CFB: variants seen among roughly 807,000 people sequenced by gnomAD.
The protein encoded by CFB is complement factor B.
Under a neutral mutation model 97.2 loss-of-function variants are expected in CFB, and 59 were observed. That is an observed-to-expected ratio of 0.61 (90% CI 0.49 to 0.75). The LOEUF (loss-of-function observed/expected upper bound fraction) is 0.75, where lower values mean the gene tolerates loss of function less well. CFB is among the 30% of genes least tolerant of loss of function. The pLI is 0.00. For synonymous variants in CFB, 316 were observed against 351.7 expected, an observed-to-expected ratio of 0.90 and a Z score of 1.14; for missense variants, 771 against 959.8, an observed-to-expected ratio of 0.80 and a Z score of 2.60.
In CFB at chr6:31,948,523, A is replaced by G; in HGVS notation, c.1036+11A>G. 6.2e-7 allele frequency: 1 copy of G among 1,614,072 alleles called. No individual in the cohort carries two copies. Among genetic ancestry groups the G allele is most frequent in the East Asian group, 2.2e-5 (1 of 44,876 alleles). Reference sequence around the variant, plus strand: ...AAATCAATTATGAAGGTCAGAGGTTAGGGAATGGTGGGAGGTTCACTTTGG... The same window carrying G: ...AAATCAATTATGAAGGTCAGAGGTTGGGGAATGGTGGGAGGTTCACTTTGG... On this transcript the variant is annotated intron_variant, in intron 7 of 17. Transcript: ENST00000425368.
intron 12 of CFB, 30 bp from the exon 13 acceptor site, chr6:31,950,589 A>G: frequency 6.2e-7 from 1 of 1,612,400 alleles, no homozygotes; most frequent in South Asian, 1.1e-5. Flanking sequence ...AGCTGCCCAC[A>G]AAGAGGTGGT....
rs1245421174 is a variant in CFB at position 31,951,772 on chromosome 6, T to C, written c.2140-103T>C. 6.3e-6 allele frequency: 10 copies of C among 1,592,980 alleles called. No individual in the cohort carries two copies. The South Asian group carries it at 9.9e-5, about 16-fold the overall frequency. On this transcript the variant is annotated intron_variant, in intron 17 of 17. Coordinates refer to ENST00000425368, the MANE Select transcript of CFB (RefSeq NM_001710.6). The surrounding 1 kb of genome is among the most constrained non-coding windows in gnomAD (Gnocchi z 4.3). ...CAAGAACGAGGCTGAGCTGGGTCCC[T>C]AGTCTGATTCCTTTAGGTCAGCTAA... is the stretch of plus-strand genomic sequence containing the variant.
Position 31,949,439 on chromosome 6 carries a change from C to T in CFB, c.1290C>T (p.Val430=), listed in dbSNP as rs201619743. 1.9e-5 allele frequency: 30 copies of T among 1,614,032 alleles called. No homozygotes were observed. In the East Asian group the frequency reaches 2.2e-4, roughly 12 times the overall value. The change falls in exon 10 of 18, where the codon GTC becomes GTT. Residue 430 remains valine, a synonymous_variant. Transcript: ENST00000425368. ...CCTCAGATGTCTATGTGTTTGGGGT[C>T]GGGCCTTTGGTGAACCAAGTGAACA... ...EDYLDVYVFG[V]GPLVNQVNIN... is the part of the protein sequence containing the mutation.
In CFB at chr6:31,951,429, G is replaced by A. The variant is rs916556250; in HGVS notation, c.2045G>A (p.Cys682Tyr). Residue 682 changes from cysteine (C) to tyrosine (Y), a missense_variant, in exon 16 of 18, where the codon TGT becomes TAT. Transcript: ENST00000425368. The surrounding 1 kb of genome is among the most constrained non-coding windows in gnomAD (Gnocchi z 4.3). Reference protein sequence around the residue: ...ISEVVTPRFLCTGGVSPYADP... With the variant: ...ISEVVTPRFLYTGGVSPYADP... The stretch of plus-strand genomic sequence containing the variant: ...GAGGTGGTCACCCCTCGGTTCCTTT[G>A]TACTGGAGGAGTGAGTCCCTATGCT... 2.5e-6 allele frequency: 4 copies of A among 1,614,084 alleles called. No homozygotes were observed. Among genetic ancestry groups the A allele is most frequent in the Non-Finnish European group, 3.4e-6 (4 of 1,180,042 alleles).
chr6:31,947,862 G>A lies in CFB; in HGVS notation c.760+19G>A. On this transcript the variant is annotated intron_variant, in intron 5 of 17. Coordinates refer to ENST00000425368, the MANE Select transcript of CFB (RefSeq NM_001710.6). The surrounding 1 kb of genome is among the most constrained non-coding windows in gnomAD (Gnocchi z 5.3). Reference sequence around the variant, plus strand: ...GGCCCAGGTTTGAAGACAGAGAAGGGAGGCAGGGCAGGGAACTGGGGGAAA... The same window carrying A: ...GGCCCAGGTTTGAAGACAGAGAAGGAAGGCAGGGCAGGGAACTGGGGGAAA... The A allele has an allele frequency of 6.2e-7, 1 of 1,614,080 alleles. No individual in the cohort carries two copies. The highest frequency in any genetic ancestry group is 1.1e-5 in the South Asian group (1 of 91,088).
In CFB at chr6:31,951,247, G is replaced by A. The variant is rs879129345; in HGVS notation, c.1956+3G>A. On this transcript the variant is annotated splice_donor_region_variant and intron_variant, in intron 15 of 17. Transcript: ENST00000425368. The surrounding 1 kb of genome is among the most constrained non-coding windows in gnomAD (Gnocchi z 4.3). Reference sequence around the variant, plus strand: ...TCTACATCAAGAATGGGGATAAGGTGAGAAACGGGCATCCTAAGGAGGCAC... The same window carrying A: ...TCTACATCAAGAATGGGGATAAGGTAAGAAACGGGCATCCTAAGGAGGCAC... 1.2e-6 allele frequency: 2 copies of A among 1,613,258 alleles called. No individual in the cohort carries two copies. The highest frequency in any genetic ancestry group is 1.7e-6 in the Non-Finnish European group (2 of 1,179,998).
At position 31,951,588 on chromosome 6, in the gene CFB, G is replaced by T; in HGVS notation, c.2123G>T (p.Arg708Ile). The change falls in exon 17 of 18, where the codon AGA becomes ATA. Residue 708 changes from arginine to isoleucine, a missense_variant. Coordinates refer to ENST00000425368, the MANE Select transcript of CFB (RefSeq NM_001710.6). The surrounding 1 kb of genome is among the most constrained non-coding windows in gnomAD (Gnocchi z 4.3). ...GGCGGCCCCTTGATAGTTCACAAGA[G>T]AAGTCGTTTCATTCAAGTGAGTCCT... Reference protein sequence around the residue: ...DSGGPLIVHKRSRFIQVGVIS... With the variant: ...DSGGPLIVHKISRFIQVGVIS... 1 of 1,614,200 alleles carries T rather than the reference G, an allele frequency of 6.2e-7. No individual in the cohort carries two copies. The highest frequency in any genetic ancestry group is 8.5e-7 in the Non-Finnish European group (1 of 1,180,038).
In CFB at chr6:31,949,327, C is replaced by G. The variant is rs752796520; in HGVS notation, c.1253C>G (p.Pro418Arg). ...LLYIGKDRKN[P>R]REDYLDVYVF... Reference sequence around the variant, plus strand: ...TACATTGGCAAGGATCGCAAAAACCCAAGGGAGGATTATCTGGGTGAGTAA... The same window carrying G: ...TACATTGGCAAGGATCGCAAAAACCGAAGGGAGGATTATCTGGGTGAGTAA... Residue 418 changes from proline to arginine, a missense_variant, in exon 9 of 18, where the codon CCA becomes CGA. Transcript: ENST00000425368. 2.5e-6 allele frequency: 4 copies of G among 1,614,066 alleles called. No homozygotes were observed. The East Asian group carries it at 6.7e-5, about 27-fold the overall frequency.
Position 31,947,295 on chromosome 6 carries a change from G to C in CFB, c.485-53G>C. ...CACTGTAACTCTTGCTCTCTACCTTGCTCACGGGGCCTCAGGCTTCAGTGC... is the reference window on the plus strand; with the variant it reads ...CACTGTAACTCTTGCTCTCTACCTTCCTCACGGGGCCTCAGGCTTCAGTGC... On this transcript the variant is annotated intron_variant, in intron 3 of 17. Transcript: ENST00000425368. This position sits in a 1 kb window ranked among gnomAD's most constrained non-coding sequence, Gnocchi z 5.3. The C allele has an allele frequency of 1.2e-6, 2 of 1,612,024 alleles. No individual in the cohort carries two copies. The highest frequency in any genetic ancestry group is 1.7e-6 in the Non-Finnish European group (2 of 1,179,818).
In CFB at chr6:31,947,143, C is replaced by A; in HGVS notation, c.435C>A (p.Cys145Ter). The A allele has an allele frequency of 1.9e-6, 3 of 1,613,010 alleles. No homozygotes were observed. Among genetic ancestry groups the A allele is most frequent in the Non-Finnish European group, 1.7e-6 (2 of 1,180,034 alleles). Reference protein sequence around the residue: ...YTLRGSANRTCQVNGRWSGQT... With the variant: ...YTLRGSANRT ...TCCGGGGCTCTGCCAATCGCACCTG[C>A]CAAGTGAATGGCCGATGGAGTGGGC... The change falls in exon 3 of 18, where the codon TGC (cysteine) becomes TGA (stop). Residue 145 changes from cysteine (C) to a stop codon, truncating the protein, a stop_gained. Coordinates refer to ENST00000425368, the MANE Select transcript of CFB (RefSeq NM_001710.6). LOFTEE classifies it high-confidence loss of function. The surrounding 1 kb of genome is among the most constrained non-coding windows in gnomAD (Gnocchi z 5.3).
At position 31,949,228 on chromosome 6, in the gene CFB, CTG is replaced by C; in HGVS notation, c.1169-13_1169-12del. 3 of 1,613,306 alleles carry C rather than the reference CTG, an allele frequency of 1.9e-6. No individual in the cohort carries two copies. Among genetic ancestry groups the C allele is most frequent in the Non-Finnish European group, 2.5e-6 (3 of 1,179,338 alleles). ...TTCCTTATCTCCTACCCTCATGGTC[CTG>C]TCTCTTCTGCAGGATTGCACAACAT... On this transcript the variant is annotated splice_polypyrimidine_tract_variant and intron_variant, in intron 8 of 17. Transcript: ENST00000425368.
intron 10 of CFB, 85 bp from the exon 11 acceptor site, chr6:31,949,965 C>A: frequency 7.7e-7 from 1 of 1,306,640 alleles, no homozygotes; most frequent in Non-Finnish European, 1.1e-6. Flanking sequence ...TGGGCCTTTG[C>A]TCCCCATAGA....
Position 31,952,080 on chromosome 6 carries a change from C to T in CFB, c.*50C>T. 3.1e-6 allele frequency: 5 copies of T among 1,605,102 alleles called. No homozygotes were observed. Among genetic ancestry groups the T allele is most frequent in the Non-Finnish European group, 3.4e-6 (4 of 1,175,546 alleles). On this transcript the variant is annotated 3_prime_UTR_variant, in exon 18 of 18. Coordinates refer to ENST00000425368, the MANE Select transcript of CFB (RefSeq NM_001710.6). The stretch of plus-strand genomic sequence containing the variant: ...TGGGATTGAATTAAAACAGCTGCGA[C>T]AACACCTGTGTTCCAGATCCTTTTG...
At chr6:31,948,687 A>C in intron 7 of CFB, 143 bp from the exon 8 acceptor site, 3 of 1,515,710 alleles carry the variant, frequency 2.0e-6, no homozygotes, top group Non-Finnish European at 2.7e-6. Flanking sequence ...TGGAAGGGCC[A>C]CTTTGTGGTC....
Position 31,951,752 on chromosome 6 carries a change from A to ACGAGGCTGAGCTGGGTCC in CFB, c.2140-121_2140-104dup. ...CATGTCTTGCCTGCGTGTGTCAAGA[A>ACGAGGCTGAGCTGGGTCC]CGAGGCTGAGCTGGGTCCCTAGTCT... On this transcript the variant is annotated intron_variant, in intron 17 of 17. Transcript: ENST00000425368. The surrounding 1 kb of genome is among the most constrained non-coding windows in gnomAD (Gnocchi z 4.3). The ACGAGGCTGAGCTGGGTCC allele has an allele frequency of 6.3e-7, 1 of 1,578,640 alleles. No homozygotes were observed. The highest frequency in any genetic ancestry group is 8.7e-7 in the Non-Finnish European group (1 of 1,148,810).
At chr6:31,949,952 T>C (rs1185073431) in intron 10 of CFB, 98 bp from the exon 11 acceptor site, 15 of 1,141,754 alleles carry the variant, frequency 1.3e-5, no homozygotes, top group Non-Finnish European at 2.0e-5. Context: ...CCCTTTCTCC[T>C]TTTGGGCCTT....
intron 12 of CFB, 24 bp downstream of exon 12, chr6:31,950,427 G>C: frequency 6.2e-7 from 1 of 1,601,598 alleles, no homozygotes; most frequent in Non-Finnish European, 8.5e-7. Flanking sequence ...TGAAGGTCCT[G>C]GGCTGCACCT....
chr6:31,950,797 A>G (rs1289113060), intron 13 of CFB, 25 bp downstream of exon 13: 4 of 1,613,034 alleles, frequency 2.5e-6, no homozygotes, highest in Middle Eastern at 1.6e-4. Flanking sequence ...ATCCCTGAGG[A>G]AAGGCTGGGA....
rs777430403 is a variant in CFB at position 31,950,186 on chromosome 6, T to C, written c.1506+39T>C. The C allele has an allele frequency of 7.5e-6, 12 of 1,609,232 alleles. No individual in the cohort carries two copies. The Admixed American group carries it at 1.5e-4, about 20-fold the overall frequency. ...CCCAGTAGTGGGGACTTGGGGGAGG[T>C]GAGGTCAAGGTGAAATGGGAGTAGG... is the stretch of plus-strand genomic sequence containing the variant. On this transcript the variant is annotated intron_variant, in intron 11 of 17. Transcript: ENST00000425368.
Sources: gnomAD v4.1 joint callset for allele counts on GRCh38, gnomAD v4.1.1 for gene constraint, Gnocchi (gnomAD v3.1) non-coding constraint, MANE v1.5 for transcripts, NCBI Gene and HGNC (gene_info 2026-07-23, HGNC 2026-07-21) for gene names.